CELF2: variants seen among roughly 807,000 people sequenced by gnomAD.
CELF2 encodes CUGBP Elav-like family member 2.
In CELF2, 8 loss-of-function variants were observed where a neutral mutation model predicts 62.6. That is an observed-to-expected ratio of 0.13 (90% CI 0.07 to 0.23). The LOEUF (loss-of-function observed/expected upper bound fraction) is 0.23. CELF2 is among the 10% of genes least tolerant of loss of function. The probability of loss-of-function intolerance (pLI) is 1.00; values close to 1 mark genes in which losing one functional copy is unlikely to be tolerated. For missense variants in CELF2, 333 were observed against 671.0 expected (o/e 0.50, Z 5.56); for synonymous variants, 258 against 250.0 (o/e 1.03, Z -0.30).
the CELF2 span, among the ~76,000 whole-genome samples, chr10:10,734,848 C>G: frequency 6.6e-6 from 1 of 152,208 alleles, no homozygotes; most frequent in African/African-American, 2.4e-5. Flanking sequence ...CCTGATAAAC[C>G]TCTAAGTGTC....
At chr10:11,094,231 A>C (rs1160008749) in intron 1 of CELF2, among the ~76,000 whole-genome samples, 1 of 152,218 alleles carries the variant, frequency 6.6e-6, no homozygotes, top group Non-Finnish European at 1.5e-5. Context: ...CGCTAAGTAC[A>C]CAACAGTGAC....
chr10:10,892,586 A>C (rs925863701), intron 1 of CELF2, among the ~76,000 whole-genome samples: 1 of 152,240 alleles, frequency 6.6e-6, no homozygotes, highest in Non-Finnish European at 1.5e-5. Flanking sequence ...TTCCACATTC[A>C]TTCTCATTAG....
chr10:10,479,447 A>G, the CELF2 span, among the ~76,000 whole-genome samples: 86,893 of 152,060 alleles, frequency 0.57, 24,967 homozygotes, highest in Admixed American at 0.65. Flanking sequence ...GATTACAGGC[A>G]TGAGCCACCG....
the CELF2 span, among the ~76,000 whole-genome samples, chr10:10,674,876 T>C: frequency 6.6e-6 from 1 of 152,146 alleles, no homozygotes. Flanking sequence ...CAATTCTAAT[T>C]CCTTTCTCCC....
chr10:10,470,974 A>G, the CELF2 span, among the ~76,000 whole-genome samples: 1 of 151,370 alleles, frequency 6.6e-6, no homozygotes, highest in African/African-American at 2.4e-5. Flanking sequence ...TCTAAATTTT[A>G]TTTCATTTTA....
rs1424865334 is a variant in CELF2 at position 11,244,289 on chromosome 10, A to T, written c.355-4864A>T. Among the ~76,000 whole-genome samples, 1 of 152,238 alleles carries T rather than the reference A, an allele frequency of 6.6e-6. No homozygotes were observed. The highest frequency in any genetic ancestry group is 1.5e-5 in the Non-Finnish European group (1 of 68,044). On this transcript the variant is annotated intron_variant, in intron 3 of 12. Coordinates refer to ENST00000633077, the MANE Select transcript of CELF2 (RefSeq NM_001326342.2). This position sits in a 1 kb window ranked among gnomAD's most constrained non-coding sequence, Gnocchi z 4.2. ...TGTTTCTTTTTACTTGAAATTGTCC[A>T]GCCTATGAACATATCCCTCACTGTT...
At position 10,983,106 on chromosome 10, in the gene CELF2, T is replaced by G. The variant is rs565575975; in HGVS notation, c.89+63107T>G. Among the ~76,000 whole-genome samples the G allele has an allele frequency of 4.6e-5, 7 of 152,332 alleles. No individual in the cohort carries two copies. In the East Asian group the frequency reaches 1.3e-3, roughly 29 times the overall value. ...CCGGTAATTAGCTGAAGTGCTACAT[T>G]TTAAAAAATAATTTAAGCTCTTTTT... On this transcript the variant is annotated intron_variant, in intron 2 of 13. Coordinates refer to the CELF2 transcript ENST00000636488. This position sits in a 1 kb window ranked among gnomAD's most constrained non-coding sequence, Gnocchi z 5.2.
At chr10:11,298,280 C>T (rs1239932124) in intron 9 of CELF2, among the ~76,000 whole-genome samples, 1 of 152,232 alleles carries the variant, frequency 6.6e-6, no homozygotes, top group Non-Finnish European at 1.5e-5. Flanking sequence ...CACAGCAGCA[C>T]CCTGGCCTTG....
Position 10,980,343 on chromosome 10 carries a change from T to TC in CELF2, c.89+60352dup, listed in dbSNP as rs113192307. On this transcript the variant is annotated intron_variant, in intron 2 of 13. Coordinates refer to the CELF2 transcript ENST00000636488. ...CAAAGAAGTTATGTCACTTTTCTCT[T>TC]CCCCCCCCAAGATGGTACCCACCTT... is the stretch of plus-strand genomic sequence containing the variant. 3.8e-4 allele frequency among the ~76,000 whole-genome samples: 58 copies of TC among 151,472 alleles called. 1 individual carries two copies. Among genetic ancestry groups the TC allele is most frequent in the Admixed American group, 8.6e-4 (13 of 15,176 alleles).
intron 2 of CELF2, among the ~76,000 whole-genome samples, chr10:11,171,918 T>C (rs561073435): frequency 6.6e-6 from 1 of 152,328 alleles, no homozygotes; most frequent in South Asian, 2.1e-4. Flanking sequence ...GGGAGGGTCA[T>C]TTTCATGTTT....
At chr10:11,273,962 A>T (rs1241052211) in intron 7 of CELF2, among the ~76,000 whole-genome samples, 6 of 20,910 alleles carry the variant, frequency 2.9e-4, no homozygotes, top group Non-Finnish European at 4.7e-4. Context: ...ACCTCAAGTG[A>T]TCCCCACCCC....
intron 2 of CELF2, among the ~76,000 whole-genome samples, chr10:10,974,921 C>T (rs895067788): frequency 1.3e-5 from 2 of 152,206 alleles, no homozygotes; most frequent in Non-Finnish European, 2.9e-5. Context: ...AACCTATCTT[C>T]CCATATTGGC....
At chr10:10,617,207 C>A in the CELF2 span, among the ~76,000 whole-genome samples, 542 of 152,220 alleles carry the variant, frequency 3.6e-3, 7 homozygotes, top group African/African-American at 0.013. Context: ...TATGAGTTTG[C>A]AAAATAGGGT....
chr10:10,892,204 A>T (rs972178573), intron 1 of CELF2, among the ~76,000 whole-genome samples: 3 of 152,190 alleles, frequency 2.0e-5, no homozygotes, highest in Admixed American at 2.0e-4. Flanking sequence ...GTAAGCATAG[A>T]TTTGCTAAAA....
the CELF2 span, among the ~76,000 whole-genome samples, chr10:10,478,479 C>T: frequency 3.9e-5 from 5 of 129,118 alleles, no homozygotes; most frequent in Admixed American, 2.6e-4. Context: ...AGCATTATTA[C>T]ATTTAATTTT....
chr10:11,063,936 C>A (rs939336672), intron 1 of CELF2, among the ~76,000 whole-genome samples: 16 of 152,136 alleles, frequency 1.1e-4, no homozygotes, highest in African/African-American at 3.9e-4. Flanking sequence ...CATGGATAAT[C>A]TGATGTTTTG....
chr10:11,092,754 G>T (rs993177752), intron 1 of CELF2, among the ~76,000 whole-genome samples: 6 of 152,218 alleles, frequency 3.9e-5, no homozygotes, highest in African/African-American at 1.2e-4. Flanking sequence ...AGGGAAGAAG[G>T]TGAGAGTGGC....
chr10:10,710,875 T>C, the CELF2 span, among the ~76,000 whole-genome samples: 2 of 152,204 alleles, frequency 1.3e-5, no homozygotes, highest in Non-Finnish European at 2.9e-5. Flanking sequence ...GTTAGAGAAA[T>C]GGCCTAACAG....
chr10:10,869,844 G>A lies in CELF2; in HGVS notation c.54-50120G>A, dbSNP rs116316973. On this transcript the variant is annotated intron_variant, in intron 1 of 13. Coordinates refer to the CELF2 transcript ENST00000636488. The stretch of plus-strand genomic sequence containing the variant: ...TTACAAAAATTAAATAGCTGAATGC[G>A]GTGACATGTTTCTTTGGTCCCAGCT... 7.2e-3 allele frequency among the ~76,000 whole-genome samples: 1,093 copies of A among 152,092 alleles called. 13 individuals carry two copies. The highest frequency in any genetic ancestry group is 0.025 in the African/African-American group (1,023 of 41,478).
Sources: allele counts gnomAD v4.1 joint callset (sites outside exome capture counted in the v4.1 genomes callset), GRCh38; gene constraint gnomAD v4.1.1; non-coding constraint Gnocchi (gnomAD v3.1); transcripts MANE v1.5; gene names NCBI Gene and HGNC (gene_info 2026-07-23, HGNC 2026-07-21).